Variants in SNX25 observed in about 807,000 individuals in gnomAD.
SNX25 encodes sorting nexin-25.
In SNX25, 62 loss-of-function variants were observed where a neutral mutation model predicts 113.7. The observed-to-expected ratio is 0.55, with a 90% CI of 0.44 to 0.67. The LOEUF is 0.67. Ranked by LOEUF, SNX25 falls within the 30% of genes least tolerant of loss-of-function variation. The pLI, the probability that SNX25 is intolerant of heterozygous loss-of-function variation, is 0.00. For missense variants in SNX25, 1,014 were observed against 1,161.0 expected, an observed-to-expected ratio of 0.87 and a Z score of 1.84; for synonymous variants, 421 against 436.2, an observed-to-expected ratio of 0.97 and a Z score of 0.43.
chr4:185,251,007 G>A (rs1745550527), intron 2 of SNX25, among the ~76,000 whole-genome samples: 2 of 152,024 alleles, frequency 1.3e-5, no homozygotes. Context: ...GTGTGTGTGT[G>A]TGTGTGACAC....
At chr4:185,353,691 G>C in intron 15 of SNX25, 89 bp downstream of exon 15, 1 of 993,322 alleles carries the variant, frequency 1.0e-6, no homozygotes, top group East Asian at 2.4e-5. Flanking sequence ...TCCCTTTATT[G>C]CTGAAATGCA....
chr4:185,366,290 T>C (rs2095387874), downstream of SNX25: 1 of 152,246 alleles, frequency 6.6e-6, no homozygotes, highest in Non-Finnish European at 1.5e-5. Flanking sequence ...AATGATTTCA[T>C]TGAGGCTTTT....
chr4:185,352,896 C>A (rs960929539), intron 14 of SNX25, among the ~76,000 whole-genome samples: 1 of 152,194 alleles, frequency 6.6e-6, no homozygotes, highest in Non-Finnish European at 1.5e-5. Flanking sequence ...ATAACACCTG[C>A]CTGTGTGTCT....
At chr4:185,280,611 C>T (rs1010695350) in intron 5 of SNX25, among the ~76,000 whole-genome samples, 2 of 152,180 alleles carry the variant, frequency 1.3e-5, no homozygotes, top group East Asian at 1.9e-4. Flanking sequence ...ATTTATCAGG[C>T]TGGTATAACA....
chr4:185,341,935 C>T lies in SNX25; in HGVS notation c.2047-41C>T, dbSNP rs749678374. 4.5e-6 allele frequency: 7 copies of T among 1,555,508 alleles called. No homozygotes were observed. In the African/African-American group the frequency reaches 9.6e-5, roughly 21 times the overall value. On this transcript the variant is annotated intron_variant, in intron 11 of 18. Coordinates refer to ENST00000652585, the MANE Select transcript of SNX25 (RefSeq NM_001378034.2). ...CAGATCTTCCTTCTGCATCCATTCA[C>T]CATGCTTTTTGTAAGTATCGATTTT...
intron 1 of SNX25, among the ~76,000 whole-genome samples, chr4:185,229,391 T>C (rs1479304561): frequency 6.6e-6 from 1 of 152,190 alleles, no homozygotes; most frequent in African/African-American, 2.4e-5. Context: ...TGAGGGTTGC[T>C]GGAGGTGAGG....
intron 1 of SNX25, among the ~76,000 whole-genome samples, chr4:185,215,193 C>T (rs1196787689): frequency 6.6e-6 from 1 of 151,896 alleles, no homozygotes; most frequent in South Asian, 2.1e-4. Flanking sequence ...CGTGCCACTG[C>T]ACTCCAGCCT....
chr4:185,249,779 G>T (rs1745383131), intron 2 of SNX25, among the ~76,000 whole-genome samples: 1 of 151,642 alleles, frequency 6.6e-6, no homozygotes, highest in African/African-American at 2.4e-5. Flanking sequence ...TTTCCATTTG[G>T]TTCTTTTTTT....
chr4:185,334,035 T>TAA lies in SNX25; in HGVS notation c.1914+1276_1914+1277insAA, dbSNP rs1484909857. Among the ~76,000 whole-genome samples, 1 of 104,834 alleles carries TAA rather than the reference T, an allele frequency of 9.5e-6. No homozygotes were observed. Among genetic ancestry groups the TAA allele is most frequent in the African/African-American group, 4.4e-5 (1 of 22,790 alleles). The allele number at this position is 104,834 out of a possible 152,430, so 68.8% of individuals were successfully genotyped here. On this transcript the variant is annotated intron_variant, in intron 10 of 18. Transcript: ENST00000652585. This position sits in a 1 kb window ranked among gnomAD's most constrained non-coding sequence, Gnocchi z 4.2. ...CTGCACTCCAGACTGGGCAATAGTC[T>TAA]CAAAAAAAAAAAAAAAAAAGTGGCT...
intron 6 of SNX25, among the ~76,000 whole-genome samples, chr4:185,297,833 A>G (rs1445257803): frequency 7.5e-6 from 1 of 132,536 alleles, no homozygotes; most frequent in African/African-American, 3.1e-5. Context: ...AAATGTTTCA[A>G]AGTGCCTACC....
chr4:185,369,973 A>G (rs1164061428), exon 12 of SNX25: 3 of 248,300 alleles, frequency 1.2e-5, no homozygotes, highest in East Asian at 1.2e-4. Context: ...CAAGTCTGCT[A>G]TGATGTAATT....
chr4:185,288,204 A>G (rs1447100563), intron 6 of SNX25, 122 bp downstream of exon 6: 6 of 664,998 alleles, frequency 9.0e-6, no homozygotes, highest in Non-Finnish European at 1.6e-5. Flanking sequence ...AAATATTTCA[A>G]TTTATTAAAA....
intron 1 of SNX25, among the ~76,000 whole-genome samples, chr4:185,229,440 CTA>C (rs1221433666): frequency 6.6e-6 from 1 of 152,186 alleles, no homozygotes; most frequent in Non-Finnish European, 1.5e-5. Flanking sequence ...GCCCCATGTT[CTA>C]TGTCTGTTGT....
At chr4:185,314,934 C>G (rs578109744) in intron 7 of SNX25, among the ~76,000 whole-genome samples, 1 of 147,462 alleles carries the variant, frequency 6.8e-6, no homozygotes, top group Admixed American at 6.8e-5. Flanking sequence ...TAATAATAAT[C>G]TAAAACCTTC....
At chr4:185,314,668 G>T (rs1033643374) in intron 7 of SNX25, among the ~76,000 whole-genome samples, 1 of 151,036 alleles carries the variant, frequency 6.6e-6, no homozygotes, top group African/African-American at 2.4e-5. Context: ...GACCATCCTG[G>T]CCAACTTGGT....
At chr4:185,279,736 A>G (rs934895536) in intron 5 of SNX25, among the ~76,000 whole-genome samples, 3 of 152,216 alleles carry the variant, frequency 2.0e-5, no homozygotes, top group African/African-American at 7.2e-5. Flanking sequence ...TGGGAGGAGT[A>G]TAAATTATTA....
At chr4:185,266,803 T>G (rs1748155664) in intron 4 of SNX25, among the ~76,000 whole-genome samples, 166 bp from the exon 5 acceptor site, 1 of 151,928 alleles carries the variant, frequency 6.6e-6, no homozygotes, top group African/African-American at 2.4e-5. Context: ...CAGCTGTATG[T>G]GTGCATGTGT....
chr4:185,333,970 A>G (rs1430361383), intron 10 of SNX25, among the ~76,000 whole-genome samples: 2 of 151,210 alleles, frequency 1.3e-5, no homozygotes, highest in Non-Finnish European at 2.9e-5. Context: ...GATCTCTTGA[A>G]TCTGGAAAGT....
intron 15 of SNX25, 76 bp from the exon 16 acceptor site, chr4:185,357,595 T>G (rs758220828): frequency 1.7e-6 from 2 of 1,162,492 alleles, no homozygotes; most frequent in Non-Finnish European, 2.6e-6. Context: ...GTAAGATTTA[T>G]GCTTTGTACA....
Sources: allele counts gnomAD v4.1 joint callset (sites outside exome capture counted in the v4.1 genomes callset), GRCh38; gene constraint gnomAD v4.1.1; non-coding constraint Gnocchi (gnomAD v3.1); transcripts MANE v1.5; gene names NCBI Gene and HGNC (gene_info 2026-07-23, HGNC 2026-07-21).